CDH13: variants seen among roughly 807,000 people sequenced by gnomAD.
The protein encoded by CDH13 is cadherin 13.
Under a neutral mutation model 63.8 loss-of-function variants are expected in CDH13, and 24 were observed. The observed-to-expected ratio is 0.38, with a 90% CI of 0.27 to 0.53. The LOEUF is 0.53. Ranked by LOEUF, CDH13 falls within the 20% of genes least tolerant of loss-of-function variation. The pLI is 0.85. For synonymous variants in CDH13, 503 were observed against 355.3 expected, an observed-to-expected ratio of 1.42 and a Z score of -4.67; for missense variants, 1,049 against 903.1, an observed-to-expected ratio of 1.16 and a Z score of -2.07.
intron 11 of CDH13, among the ~76,000 whole-genome samples, chr16:83,772,496 A>G (rs1914826366): frequency 6.6e-6 from 1 of 152,214 alleles, no homozygotes; most frequent in South Asian, 2.1e-4. Flanking sequence ...TACTTATAAC[A>G]CTGAATATAG....
At chr16:83,257,887 A>G (rs1906486712) in intron 5 of CDH13, among the ~76,000 whole-genome samples, 1 of 152,196 alleles carries the variant, frequency 6.6e-6, no homozygotes, top group African/African-American at 2.4e-5. Flanking sequence ...TTCCACCAAC[A>G]ATGTATAAGC....
intron 3 of CDH13, among the ~76,000 whole-genome samples, chr16:83,056,830 A>T (rs545038599): frequency 6.6e-6 from 1 of 151,376 alleles, no homozygotes; most frequent in African/African-American, 2.4e-5. Flanking sequence ...TTTATAGAAG[A>T]GAGTTCCCTA....
intron 2 of CDH13, among the ~76,000 whole-genome samples, chr16:82,958,339 C>A (rs1906441320): frequency 6.6e-6 from 1 of 152,158 alleles, no homozygotes; most frequent in Admixed American, 6.5e-5. Flanking sequence ...TAAATTCCCC[C>A]ATTTAAGCAT....
At chr16:83,362,418 C>A (rs78522189) in intron 6 of CDH13, among the ~76,000 whole-genome samples, 1 of 152,144 alleles carries the variant, frequency 6.6e-6, no homozygotes, top group East Asian at 1.9e-4. Context: ...ATTTAGACAC[C>A]TTTTGTCTTT....
intron 5 of CDH13, among the ~76,000 whole-genome samples, chr16:83,281,033 C>G (rs796829439): frequency 2.6e-5 from 4 of 152,298 alleles, no homozygotes; most frequent in African/African-American, 9.6e-5. Context: ...ATTTTACCCC[C>G]TAACCAGAGA....
intron 6 of CDH13, among the ~76,000 whole-genome samples, chr16:83,447,369 C>A (rs1373412144): frequency 6.6e-6 from 1 of 151,810 alleles, no homozygotes; most frequent in Non-Finnish European, 1.5e-5. Flanking sequence ...GAGCTGAGAT[C>A]ACGCCACTGC....
intron 7 of CDH13, among the ~76,000 whole-genome samples, chr16:83,598,912 G>A (rs1397846773): frequency 1.3e-5 from 2 of 152,144 alleles, no homozygotes; most frequent in Non-Finnish European, 2.9e-5. Context: ...AGAACTAAAG[G>A]ACAATGTCCT....
At chr16:83,073,281 C>A (rs1442218779) in intron 3 of CDH13, among the ~76,000 whole-genome samples, 2 of 151,408 alleles carry the variant, frequency 1.3e-5, no homozygotes, top group Non-Finnish European at 2.9e-5. Context: ...ACCCGGGTGA[C>A]TCAGCATCAA....
chr16:82,635,978 G>A (rs1908607573), intron 1 of CDH13, among the ~76,000 whole-genome samples: 2 of 152,010 alleles, frequency 1.3e-5, no homozygotes, highest in Non-Finnish European at 1.5e-5. Context: ...GTTTCCTGAG[G>A]CCTTTGCAGC....
intron 5 of CDH13, among the ~76,000 whole-genome samples, chr16:83,319,464 G>A (rs1189136724): frequency 6.6e-6 from 1 of 152,176 alleles, no homozygotes; most frequent in African/African-American, 2.4e-5. Flanking sequence ...AACCTAAGAA[G>A]GCTTTGTTGT....
chr16:82,771,373 G>T (rs1266511077), intron 1 of CDH13, among the ~76,000 whole-genome samples: 1 of 152,180 alleles, frequency 6.6e-6, no homozygotes, highest in Admixed American at 6.5e-5. Context: ...TGCTTAGAAA[G>T]GATATATTAA....
intron 1 of CDH13, among the ~76,000 whole-genome samples, chr16:82,666,474 G>C (rs1161867528): frequency 6.6e-6 from 1 of 152,186 alleles, no homozygotes; most frequent in Admixed American, 6.5e-5. Context: ...TGAATACTTG[G>C]TGGGTACCTT....
intron 8 of CDH13, among the ~76,000 whole-genome samples, chr16:83,632,642 A>G (rs184231085): frequency 1.3e-5 from 2 of 150,960 alleles, no homozygotes; most frequent in Admixed American, 1.3e-4. Context: ...ATAATGATCA[A>G]TAGATAGGTT....
intron 10 of CDH13, among the ~76,000 whole-genome samples, chr16:83,709,212 A>T (rs929501164): frequency 1.9e-4 from 29 of 152,180 alleles, no homozygotes; most frequent in African/African-American, 6.3e-4. Flanking sequence ...TGCCCTGAAG[A>T]TTCTAAAAGG....
At chr16:83,108,302 T>C (rs1280965647) in intron 3 of CDH13, among the ~76,000 whole-genome samples, 1 of 152,156 alleles carries the variant, frequency 6.6e-6, no homozygotes, top group Non-Finnish European at 1.5e-5. Flanking sequence ...ATGCCCCACC[T>C]GTAAATGTTT....
At chr16:83,281,744 G>A (rs2151856874) in intron 5 of CDH13, among the ~76,000 whole-genome samples, 1 of 148,258 alleles carries the variant, frequency 6.7e-6, no homozygotes, top group East Asian at 2.0e-4. Flanking sequence ...CCTCATCTGT[G>A]CTTAAAAAAA....
chr16:83,274,872 ACTTC>A, intron 5 of CDH13, among the ~76,000 whole-genome samples: 1 of 152,096 alleles, frequency 6.6e-6, no homozygotes, highest in East Asian at 1.9e-4. Flanking sequence ...GAGTTTGGGG[ACTTC>A]CTTCTTAGCA....
At chr16:83,096,439 G>C (rs1399621413) in intron 3 of CDH13, among the ~76,000 whole-genome samples, 3 of 152,144 alleles carry the variant, frequency 2.0e-5, no homozygotes, top group African/African-American at 7.2e-5. Flanking sequence ...AAGATGGAAG[G>C]TATCCTCTCT....
In CDH13 at chr16:83,047,370, G is replaced by C. The variant is rs1247815842; in HGVS notation, c.366+15152G>C. Reference sequence around the variant, plus strand: ...GTTAACACAGATAATTGAGACTTGAGTGCTTTTTTATTCCAAGTCCCTTAT... The same window carrying C: ...GTTAACACAGATAATTGAGACTTGACTGCTTTTTTATTCCAAGTCCCTTAT... On this transcript the variant is annotated intron_variant, in intron 3 of 13. Transcript: ENST00000567109. This position sits in a 1 kb window ranked among gnomAD's most constrained non-coding sequence, Gnocchi z 4.9. 6.6e-6 allele frequency among the ~76,000 whole-genome samples: 1 copy of C among 152,132 alleles called. No individual in the cohort carries two copies. Among genetic ancestry groups the C allele is most frequent in the African/African-American group, 2.4e-5 (1 of 41,426 alleles).
Sources: allele counts gnomAD v4.1 joint callset (sites outside exome capture counted in the v4.1 genomes callset), GRCh38; gene constraint gnomAD v4.1.1; non-coding constraint Gnocchi (gnomAD v3.1); transcripts MANE v1.5; gene names NCBI Gene and HGNC (gene_info 2026-07-23, HGNC 2026-07-21).